CDKL3: variants seen among roughly 807,000 people sequenced by gnomAD.
CDKL3 encodes the protein cyclin-dependent kinase-like 3.
CDKL3 carries 65 observed loss-of-function variants against 69.3 expected under a neutral mutation model. That is an observed-to-expected ratio of 0.94 (90% CI 0.77 to 1.15). The LOEUF (loss-of-function observed/expected upper bound fraction) is 1.15. Ranked by LOEUF, CDKL3 falls within the 50% of genes most tolerant of loss-of-function variation. The pLI is 0.00. For synonymous variants in CDKL3, 202 were observed against 221.6 expected, an observed-to-expected ratio of 0.91 and a Z score of 0.79; for missense variants, 652 against 689.2, an observed-to-expected ratio of 0.95 and a Z score of 0.61.
chr5:134,292,809 A>G (rs1765176690), intron 8 of CDKL3, among the ~76,000 whole-genome samples: 1 of 151,982 alleles, frequency 6.6e-6, no homozygotes, highest in Admixed American at 6.6e-5. Flanking sequence ...GGAAAATATT[A>G]AACAATTTTA....
In CDKL3 at chr5:134,336,255, C is replaced by A. The variant is rs114225203; in HGVS notation, c.539+13994G>T. On this transcript the variant is annotated intron_variant, in intron 4 of 12. Transcript: ENST00000265334. ...TTTTTCAAGGTTTTTAGCTTCCTGG[C>A]AATGGGTTACAACATGCTCCTTTAG... is the stretch of plus-strand genomic sequence containing the variant. Among the ~76,000 whole-genome samples the A allele has an allele frequency of 6.0e-3, 921 of 152,272 alleles. 7 individuals carry two copies. Among genetic ancestry groups the A allele is most frequent in the African/African-American group, 0.021 (885 of 41,546 alleles).
In CDKL3 at chr5:134,366,409, G is replaced by T; in HGVS notation, c.115C>A (p.Pro39Thr). Residue 39 changes from proline to threonine, a missense_variant, in exon 2 of 13, where the codon CCA becomes ACA. Physicochemically the swap from Pro to Thr is conservative, Grantham distance 38. Coordinates refer to ENST00000265334, the MANE Select transcript of CDKL3 (RefSeq NM_001113575.2). ...GCAATTTTGTTGACAGATTGTTCTG[G>T]TCTCTCATAAAATATCTTAATGGCC... is the stretch of plus-strand genomic sequence containing the variant. ...IVAIKIFYER[P>T]EQSVNKIAMR... 6.3e-7 allele frequency: 1 copy of T among 1,598,512 alleles called. No individual in the cohort carries two copies. Among genetic ancestry groups the T allele is most frequent in the Non-Finnish European group, 8.5e-7 (1 of 1,172,848 alleles).
intron 4 of CDKL3, among the ~76,000 whole-genome samples, chr5:134,334,513 T>A (rs1472567321): frequency 6.6e-6 from 1 of 152,250 alleles, no homozygotes; most frequent in African/African-American, 2.4e-5. Context: ...GTATGTTGTG[T>A]CTTTGTTCTT....
At chr5:134,349,842 T>C (rs757844964) in intron 4 of CDKL3, among the ~76,000 whole-genome samples, 6 of 151,972 alleles carry the variant, frequency 3.9e-5, no homozygotes, top group Admixed American at 6.6e-5. Flanking sequence ...GACGGCAGAA[T>C]GTGTCAGTAT....
intron 3 of CDKL3, among the ~76,000 whole-genome samples, chr5:134,352,660 T>C (rs1339848608): frequency 1.3e-5 from 2 of 152,044 alleles, no homozygotes; most frequent in South Asian, 2.1e-4. Flanking sequence ...TGTTGCCTGG[T>C]CTGGTCTTGA....
intron 6 of CDKL3, among the ~76,000 whole-genome samples, chr5:134,313,872 T>C (rs1770258448): frequency 6.6e-6 from 1 of 151,950 alleles, no homozygotes; most frequent in Non-Finnish European, 1.5e-5. Context: ...GTGTGGTGGC[T>C]CATGCGTGTA....
At chr5:134,324,356 G>C (rs112349722) in intron 4 of CDKL3, among the ~76,000 whole-genome samples, 2,736 of 152,312 alleles carry the variant, frequency 0.018, 46 homozygotes, top group Non-Finnish European at 0.025. Flanking sequence ...TTACCCAAGT[G>C]AGTAGAACAC....
In CDKL3 at chr5:134,312,356, C is replaced by A; in HGVS notation, c.817G>T (p.Asp273Tyr). Residue 273 changes from aspartate to tyrosine, a missense_variant, in exon 7 of 13, where the codon GAC becomes TAC. Coordinates refer to ENST00000265334, the MANE Select transcript of CDKL3 (RefSeq NM_001113575.2). ...AAAAGATCACTAGATGATATCCTGT[C>A]AGCAGGATCAATTTGTAAACAAGCC... ...VHACLQIDPA[D>Y]RISSSDLLHH... 1 of 1,595,022 alleles carries A rather than the reference C, an allele frequency of 6.3e-7. No individual in the cohort carries two copies. The highest frequency in any genetic ancestry group is 1.2e-5 in the South Asian group (1 of 86,648).
chr5:134,345,635 G>C (rs913598882), intron 4 of CDKL3, among the ~76,000 whole-genome samples: 3 of 152,148 alleles, frequency 2.0e-5, no homozygotes, highest in African/African-American at 7.2e-5. Flanking sequence ...AGTCAAAGGG[G>C]GTTGTTCTTT....
intron 4 of CDKL3, among the ~76,000 whole-genome samples, chr5:134,341,991 A>C (rs1290353838): frequency 1.3e-5 from 2 of 152,154 alleles, no homozygotes; most frequent in African/African-American, 4.8e-5. Flanking sequence ...ACTAGGGAGA[A>C]AGCTGTTCTC....
At chr5:134,286,807 A>G (rs947053438) in intron 8 of CDKL3, among the ~76,000 whole-genome samples, 1 of 152,178 alleles carries the variant, frequency 6.6e-6, no homozygotes, top group Non-Finnish European at 1.5e-5. Context: ...ATTACCTCCC[A>G]CCAGGTCCCT....
At chr5:134,371,473 T>TAGG (rs532957463), upstream of CDKL3, 2 of 1,143,990 alleles carry the variant, frequency 1.7e-6, no homozygotes, top group African/African-American at 3.7e-5. Context: ...TTTGTCAGTC[T>TAGG]CGGCGGCGGC....
intron 2 of CDKL3, among the ~76,000 whole-genome samples, chr5:134,365,747 C>T (rs1357254594): frequency 1.3e-5 from 2 of 152,220 alleles, no homozygotes; most frequent in Non-Finnish European, 2.9e-5. Context: ...TCAGAAAACT[C>T]TACAGGCACA....
intron 12 of CDKL3, among the ~76,000 whole-genome samples, chr5:134,301,466 T>C (rs1766311424): frequency 6.6e-6 from 1 of 152,244 alleles, no homozygotes; most frequent in Admixed American, 6.5e-5. Context: ...AGTAGCCTTG[T>C]TAAAATGCCT....
At chr5:134,315,940 C>T (rs964951539) in intron 6 of CDKL3, among the ~76,000 whole-genome samples, 2 of 152,016 alleles carry the variant, frequency 1.3e-5, no homozygotes, top group East Asian at 1.9e-4. Context: ...CTTTGGCTTA[C>T]TAAATCCACT....
chr5:134,332,807 G>A (rs1051548545), intron 4 of CDKL3, among the ~76,000 whole-genome samples: 64 of 152,302 alleles, frequency 4.2e-4, no homozygotes, highest in Admixed American at 3.3e-3. Flanking sequence ...GAACTTTAAA[G>A]TAGTTTTTTC....
At chr5:134,345,557 AAG>A (rs1366128026) in intron 4 of CDKL3, among the ~76,000 whole-genome samples, 1 of 152,222 alleles carries the variant, frequency 6.6e-6, no homozygotes. Context: ...TGAGTCCGAA[AAG>A]AGAGTCAGCA....
chr5:134,354,712 G>A (rs917887701), intron 3 of CDKL3, among the ~76,000 whole-genome samples: 1 of 152,050 alleles, frequency 6.6e-6, no homozygotes, highest in Non-Finnish European at 1.5e-5. Flanking sequence ...ACTTGGGAAG[G>A]CTGAGGCAGG....
At chr5:134,294,583 T>C (rs951034889), downstream of CDKL3, among the ~76,000 whole-genome samples, 7 of 151,982 alleles carry the variant, frequency 4.6e-5, no homozygotes, top group Non-Finnish European at 7.4e-5. Flanking sequence ...GATGTCATGA[T>C]TGCCTATATA....
Sources: allele counts gnomAD v4.1 joint callset (sites outside exome capture counted in the v4.1 genomes callset), GRCh38; gene constraint gnomAD v4.1.1; transcripts MANE v1.5; gene names NCBI Gene and HGNC (gene_info 2026-07-23, HGNC 2026-07-21).